CCSER1: variants seen among roughly 807,000 people sequenced by gnomAD.
The protein encoded by CCSER1 is serine-rich coiled-coil domain-containing protein 1.
Under a neutral mutation model 82.0 loss-of-function variants are expected in CCSER1, and 41 were observed. The observed-to-expected ratio is 0.50, with a 90% CI of 0.39 to 0.65. The LOEUF (loss-of-function observed/expected upper bound fraction) is 0.65. Ranked by LOEUF, CCSER1 falls within the 30% of genes least tolerant of loss-of-function variation. The pLI, the probability that CCSER1 is intolerant of heterozygous loss-of-function variation, is 0.00. For missense variants in CCSER1, 1,119 were observed against 1,064.2 expected (o/e 1.05, Z -0.72); for synonymous variants, 414 against 383.9 (o/e 1.08, Z -0.92).
intron 1 of CCSER1, among the ~76,000 whole-genome samples, chr4:90,139,280 T>C (rs1464359493): frequency 6.6e-6 from 1 of 152,230 alleles, no homozygotes; most frequent in Non-Finnish European, 1.5e-5. Context: ...GTAAATTATG[T>C]GCCTGTATAT....
chr4:91,116,587 A>G (rs1211553107), intron 10 of CCSER1, among the ~76,000 whole-genome samples: 1 of 152,212 alleles, frequency 6.6e-6, no homozygotes, highest in Non-Finnish European at 1.5e-5. Flanking sequence ...ATGGGCCAAA[A>G]TATGCAAAGC....
intron 10 of CCSER1, among the ~76,000 whole-genome samples, chr4:91,173,417 A>T (rs1175160139): frequency 1.3e-5 from 2 of 151,844 alleles, no homozygotes; most frequent in East Asian, 1.9e-4. Flanking sequence ...ACACGGTGAA[A>T]CCCCGTCTCT....
intron 10 of CCSER1, among the ~76,000 whole-genome samples, chr4:91,157,103 C>G (rs1406738011): frequency 6.6e-6 from 1 of 151,834 alleles, no homozygotes; most frequent in African/African-American, 2.4e-5. Context: ...AACACTAGCT[C>G]AGATCTCTCT....
intron 10 of CCSER1, among the ~76,000 whole-genome samples, chr4:91,446,445 T>C (rs2204873): frequency 0.82 from 123,611 of 151,580 alleles, 50,707 homozygotes; most frequent in East Asian, 0.92. Flanking sequence ...ATACTGTTTT[T>C]CTGTTACAAA....
chr4:91,330,986 A>G (rs1233091625), intron 10 of CCSER1, among the ~76,000 whole-genome samples: 1 of 152,136 alleles, frequency 6.6e-6, no homozygotes, highest in Non-Finnish European at 1.5e-5. Flanking sequence ...GCTTATTCAT[A>G]ACTTATAGGC....
chr4:91,521,393 C>T (rs1016462992), intron 10 of CCSER1, among the ~76,000 whole-genome samples: 1 of 152,060 alleles, frequency 6.6e-6, no homozygotes, highest in African/African-American at 2.4e-5. Context: ...GAGTATATAC[C>T]CAGTAATGGG....
At chr4:91,094,102 A>G (rs1445631934) in intron 10 of CCSER1, among the ~76,000 whole-genome samples, 3 of 152,280 alleles carry the variant, frequency 2.0e-5, no homozygotes, top group South Asian at 4.1e-4. Flanking sequence ...GAAGCAGGGC[A>G]TCCGTCCCTT....
At chr4:91,156,269 T>C (rs1304454226) in intron 10 of CCSER1, among the ~76,000 whole-genome samples, 1 of 151,714 alleles carries the variant, frequency 6.6e-6, no homozygotes, top group African/African-American at 2.4e-5. Context: ...ATAAATGAAA[T>C]AATCCTTGGA....
At chr4:90,347,907 A>T (rs911783183) in intron 3 of CCSER1, among the ~76,000 whole-genome samples, 1 of 152,204 alleles carries the variant, frequency 6.6e-6, no homozygotes, top group Non-Finnish European at 1.5e-5. Flanking sequence ...CTGATATCCC[A>T]GTAAACACCA....
At chr4:90,967,103 A>G (rs1734638223) in intron 9 of CCSER1, among the ~76,000 whole-genome samples, 2 of 152,088 alleles carry the variant, frequency 1.3e-5, no homozygotes, top group South Asian at 4.1e-4. Context: ...CCTAATATTT[A>G]TGACCAATTG....
At chr4:91,374,341 C>A (rs543584052) in intron 10 of CCSER1, among the ~76,000 whole-genome samples, 1 of 152,126 alleles carries the variant, frequency 6.6e-6, no homozygotes, top group Non-Finnish European at 1.5e-5. Flanking sequence ...TAGAGGCTAA[C>A]GCAGCTGGTA....
intron 7 of CCSER1, among the ~76,000 whole-genome samples, chr4:90,739,523 C>A (rs1746190074): frequency 6.6e-6 from 1 of 152,268 alleles, no homozygotes; most frequent in Non-Finnish European, 1.5e-5. Context: ...AAGTTTAGCA[C>A]CAGGACTTGC....
At chr4:90,477,036 C>T (rs1765209583) in intron 5 of CCSER1, among the ~76,000 whole-genome samples, 1 of 152,076 alleles carries the variant, frequency 6.6e-6, no homozygotes, top group Non-Finnish European at 1.5e-5. Context: ...TTGAAAGTAG[C>T]TCTTATGTGT....
At chr4:90,709,084 CTAA>C (rs1218070448) in intron 6 of CCSER1, among the ~76,000 whole-genome samples, 2 of 151,934 alleles carry the variant, frequency 1.3e-5, no homozygotes, top group African/African-American at 4.8e-5. Flanking sequence ...TACAAAATAT[CTAA>C]TGACAGGATT....
chr4:90,869,481 T>C (rs1346954066), intron 8 of CCSER1, among the ~76,000 whole-genome samples: 2 of 152,066 alleles, frequency 1.3e-5, no homozygotes, highest in Non-Finnish European at 2.9e-5. Context: ...TTTATGTTCT[T>C]GTCACCTCTG....
At chr4:90,650,124 G>A (rs1393746318) in intron 6 of CCSER1, among the ~76,000 whole-genome samples, 1 of 152,138 alleles carries the variant, frequency 6.6e-6, no homozygotes, top group African/African-American at 2.4e-5. Context: ...GGCTGAGGCA[G>A]GAGAGTTGCT....
At chr4:90,147,349 G>A (rs1429845797) in intron 1 of CCSER1, among the ~76,000 whole-genome samples, 2 of 152,122 alleles carry the variant, frequency 1.3e-5, no homozygotes, top group Non-Finnish European at 2.9e-5. Context: ...ACAGTTTGTT[G>A]TGGTGAAATA....
At chr4:90,141,042 A>G (rs1234265685) in intron 1 of CCSER1, among the ~76,000 whole-genome samples, 3 of 151,592 alleles carry the variant, frequency 2.0e-5, no homozygotes, top group Non-Finnish European at 4.4e-5. Context: ...CTATCTATCT[A>G]TCTATCTATC....
intron 3 of CCSER1, among the ~76,000 whole-genome samples, chr4:90,333,337 G>A (rs560864343): frequency 6.6e-6 from 1 of 152,170 alleles, no homozygotes; most frequent in East Asian, 1.9e-4. Flanking sequence ...CAGTTTTGAT[G>A]ATGAATTGTG....
Sources: gnomAD v4.1 joint callset for allele counts (sites outside exome capture counted in the v4.1 genomes callset) on GRCh38, gnomAD v4.1.1 for gene constraint, MANE v1.5 for transcripts, NCBI Gene and HGNC (gene_info 2026-07-23, HGNC 2026-07-21) for gene names.